BPGM: variants seen among roughly 807,000 people sequenced by gnomAD.
The protein encoded by BPGM is bisphosphoglycerate mutase, also known as 2,3-bisphosphoglycerate mutase, erythrocyte.
Under a neutral mutation model 21.6 loss-of-function variants are expected in BPGM, and 15 were observed. The observed-to-expected ratio is 0.70, with a 90% CI of 0.47 to 1.07. The LOEUF is 1.07. BPGM is among the 50% of genes least tolerant of loss of function. The pLI is 0.00. For synonymous variants in BPGM, 113 were observed against 116.2 expected, an observed-to-expected ratio of 0.97 and a Z score of 0.18; for missense variants, 273 against 319.0, an observed-to-expected ratio of 0.86 and a Z score of 1.10.
At chr7:134,667,856 A>G (rs1003495285) in intron 2 of BPGM, among the ~76,000 whole-genome samples, 2 of 152,300 alleles carry the variant, frequency 1.3e-5, no homozygotes, top group Admixed American at 6.5e-5. Context: ...GAGTGTGGTA[A>G]CGGATAGCAT....
At chr7:134,651,492 AT>A (rs2131414196) in intron 1 of BPGM, among the ~76,000 whole-genome samples, 1 of 152,288 alleles carries the variant, frequency 6.6e-6, no homozygotes, top group African/African-American at 2.4e-5. Flanking sequence ...ATAATGTGAA[AT>A]TATATTTCAC....
intron 2 of BPGM, among the ~76,000 whole-genome samples, chr7:134,664,859 A>G (rs551502639): frequency 6.6e-6 from 1 of 152,336 alleles, no homozygotes; most frequent in South Asian, 2.1e-4. Flanking sequence ...ATATTAGAGG[A>G]TTTCATTTAT....
At chr7:134,669,953 C>T (rs974600340) in intron 2 of BPGM, among the ~76,000 whole-genome samples, 7 of 152,052 alleles carry the variant, frequency 4.6e-5, no homozygotes, top group Non-Finnish European at 8.8e-5. Context: ...TAACGCAGAC[C>T]TAAGTATCTG....
At chr7:134,648,120 T>C (rs1795491949) in intron 1 of BPGM, among the ~76,000 whole-genome samples, 1 of 136,266 alleles carries the variant, frequency 7.3e-6, no homozygotes, top group Admixed American at 7.4e-5. Context: ...TTTCTTTCTT[T>C]CTTTTGTTTT....
intron 2 of BPGM, among the ~76,000 whole-genome samples, chr7:134,666,655 C>G (rs2131443894): frequency 6.6e-6 from 1 of 152,270 alleles, no homozygotes; most frequent in Middle Eastern, 3.4e-3. Flanking sequence ...TAATGGAGTT[C>G]TTAGATGTTG....
At chr7:134,660,015 A>G (rs1409858877) in intron 1 of BPGM, among the ~76,000 whole-genome samples, 1 of 152,244 alleles carries the variant, frequency 6.6e-6, no homozygotes, top group African/African-American at 2.4e-5. Context: ...AAATCACCTA[A>G]TGATGCATTT....
chr7:134,657,468 T>C (rs1795656586), intron 1 of BPGM, among the ~76,000 whole-genome samples: 1 of 152,200 alleles, frequency 6.6e-6, no homozygotes, highest in East Asian at 1.9e-4. Context: ...ATTGTTAGTT[T>C]GCAGTTAATA....
intron 1 of BPGM, among the ~76,000 whole-genome samples, chr7:134,650,029 T>C (rs1322648819): frequency 6.6e-6 from 1 of 152,236 alleles, no homozygotes; most frequent in Non-Finnish European, 1.5e-5. Context: ...CTGAGAACAG[T>C]AGTTTCATGA....
intron 1 of BPGM, among the ~76,000 whole-genome samples, chr7:134,659,564 T>C (rs534085996): frequency 6.6e-6 from 1 of 152,314 alleles, no homozygotes; most frequent in African/African-American, 2.4e-5. Context: ...TGATGCCTCT[T>C]CTAGGCTAAG....
intron 2 of BPGM, among the ~76,000 whole-genome samples, chr7:134,667,752 T>C (rs1795842041): frequency 6.6e-6 from 1 of 152,196 alleles, no homozygotes; most frequent in East Asian, 1.9e-4. Context: ...ACTTCTCCCA[T>C]ATAAAATGGG....
chr7:134,648,716 G>GGAGGGCAGCC (rs1795509517), intron 1 of BPGM, among the ~76,000 whole-genome samples: 1 of 151,382 alleles, frequency 6.6e-6, no homozygotes, highest in African/African-American at 2.4e-5. Flanking sequence ...GTCTCGCTCT[G>GGAGGGCAGCC]TTGCCCAGGC....
rs62462467 is a variant in BPGM, at chr7:134,672,296, C to T, written c.602-6557C>T. Among the ~76,000 whole-genome samples the T allele has an allele frequency of 2.7e-4, 4 of 14,990 alleles. No homozygotes were observed. The Admixed American group carries it at 2.9e-3, about 11-fold the overall frequency. 9.8% of individuals were successfully genotyped at this position (14,990 alleles called of 152,430 possible). On this transcript the variant is annotated intron_variant, in intron 2 of 2. Transcript: ENST00000344924. The stretch of plus-strand genomic sequence containing the variant: ...GACTTTAACACAGACTTAAAGACTT[C>T]AACACAGACTTAAAGGCAATGGTGG...
intron 2 of BPGM, among the ~76,000 whole-genome samples, chr7:134,678,429 G>A (rs1796012403): frequency 6.6e-6 from 1 of 152,170 alleles, no homozygotes; most frequent in African/African-American, 2.4e-5. Context: ...TAGATTTAGA[G>A]ATTAGCGAAA....
intron 1 of BPGM, among the ~76,000 whole-genome samples, chr7:134,648,012 GGT>G: frequency 6.6e-6 from 1 of 152,044 alleles, no homozygotes; most frequent in Non-Finnish European, 1.5e-5. Context: ...TGGCCAGGGT[GGT>G]CTTGAACTCC....
chr7:134,657,271 A>G (rs951066042), intron 1 of BPGM, among the ~76,000 whole-genome samples: 5 of 152,186 alleles, frequency 3.3e-5, no homozygotes, highest in Admixed American at 2.6e-4. Context: ...TGGAGAGAAG[A>G]GATGAAGGGT....
chr7:134,661,387 G>T lies in BPGM; in HGVS notation c.-61-60G>T, dbSNP rs1426454530. The stretch of plus-strand genomic sequence containing the variant: ...TAGAAATTGGGTGTTGTAAAGCGAT[G>T]TTTCTATTCCTAGATTGTCAGTTGA... On this transcript the variant is annotated intron_variant, in intron 1 of 2. Coordinates refer to ENST00000344924, the MANE Select transcript of BPGM (RefSeq NM_001724.5). The surrounding 1 kb of genome is among the most constrained non-coding windows in gnomAD (Gnocchi z 4.6). The T allele has an allele frequency of 2.1e-6, 3 of 1,451,836 alleles. No homozygotes were observed. The highest frequency in any genetic ancestry group is 2.1e-4 in the Middle Eastern group (1 of 4,730). The allele number at this position is 1,451,836 out of a possible 1,614,324, so 89.9% of individuals were successfully genotyped here. A position where few individuals can be genotyped will look rare whatever the true frequency, so the allele number is the denominator to read the frequency against.
Position 134,668,394 on chromosome 7 carries a change from C to CT in BPGM, c.601+6287dup, listed in dbSNP as rs540745896. Among the ~76,000 whole-genome samples the CT allele has an allele frequency of 3.4e-3, 521 of 152,298 alleles. 3 individuals are homozygous for CT. The highest frequency in any genetic ancestry group is 0.012 in the African/African-American group (493 of 41,566). On this transcript the variant is annotated intron_variant, in intron 2 of 2. Transcript: ENST00000344924. ...GTTTGGAATACTGTGTTTTAAGAAG[C>CT]TGAGTCAAGAACATCCATGGCAGGT...
intron 2 of BPGM, among the ~76,000 whole-genome samples, chr7:134,676,336 A>C (rs937274499): frequency 8.5e-5 from 13 of 152,250 alleles, no homozygotes; most frequent in Non-Finnish European, 1.9e-4. Flanking sequence ...TGATAGATAT[A>C]TACACTCATA....
chr7:134,662,137 G>A, intron 2 of BPGM, 29 bp downstream of exon 2: 3 of 1,613,332 alleles, frequency 1.9e-6, no homozygotes, highest in South Asian at 1.1e-5. Flanking sequence ...ACTTATTAGA[G>A]GTTGCCAAGT....
Sources: gnomAD v4.1 joint callset for allele counts (sites outside exome capture counted in the v4.1 genomes callset) on GRCh38, gnomAD v4.1.1 for gene constraint, Gnocchi (gnomAD v3.1) non-coding constraint, MANE v1.5 for transcripts, NCBI Gene and HGNC (gene_info 2026-07-23, HGNC 2026-07-21) for gene names.